GPC4: variants seen among roughly 807,000 people sequenced by gnomAD.
GPC4 encodes glypican 4.
Under a neutral mutation model 35.0 loss-of-function variants are expected in GPC4, and 10 were observed. The ratio of observed to expected loss-of-function variants is 0.29; its 90% confidence interval spans 0.18 to 0.48. The LOEUF (loss-of-function observed/expected upper bound fraction) is 0.48, where lower values mean the gene tolerates loss of function less well. GPC4 is among the 20% of genes least tolerant of loss of function. The pLI, the probability that GPC4 is intolerant of heterozygous loss-of-function variation, is 0.99. For synonymous variants in GPC4, 167 were observed against 170.2 expected, an observed-to-expected ratio of 0.98 and a Z score of 0.15; for missense variants, 322 against 451.3, an observed-to-expected ratio of 0.71 and a Z score of 2.60.
chrX:133,321,960 G>T (rs1273651606), intron 3 of GPC4, among the ~76,000 whole-genome samples: 2 of 111,758 alleles, frequency 1.8e-5, no homozygotes, highest in African/African-American at 6.5e-5. Context: ...ACAACATAAT[G>T]AATGCAATCA....
intron 1 of GPC4, among the ~76,000 whole-genome samples, chrX:133,398,565 T>G (rs769118987): frequency 4.5e-5 from 5 of 111,323 alleles, no homozygotes; most frequent in Middle Eastern, 4.7e-3. Context: ...GGTCAGGAGT[T>G]CAAGACCAGC....
chrX:133,388,791 C>T (rs770523631), intron 1 of GPC4, among the ~76,000 whole-genome samples: 11 of 109,467 alleles, frequency 1.0e-4, no homozygotes, highest in Middle Eastern at 4.7e-3. Flanking sequence ...CATGAGCCAC[C>T]GCGCCCAGCC....
intron 2 of GPC4, among the ~76,000 whole-genome samples, chrX:133,337,324 C>T (rs1265824411): frequency 1.8e-5 from 2 of 111,970 alleles, no homozygotes; most frequent in African/African-American, 6.5e-5. Context: ...AAGAAAACAA[C>T]AACAACAACA....
At chrX:133,409,156 G>GA (rs376780023) in intron 1 of GPC4, among the ~76,000 whole-genome samples, 69 of 88,130 alleles carry the variant, frequency 7.8e-4, no homozygotes, top group Middle Eastern at 6.1e-3. Flanking sequence ...CTTCATCTTG[G>GA]AAAAAAAAAA....
At chrX:133,402,392 T>C (rs2068770287) in intron 1 of GPC4, among the ~76,000 whole-genome samples, 1 of 112,141 alleles carries the variant, frequency 8.9e-6, no homozygotes, top group South Asian at 3.7e-4. Flanking sequence ...CCTGCTCTGG[T>C]AGGCAGAAGG....
chrX:133,375,120 T>G (rs1244256089), intron 1 of GPC4, among the ~76,000 whole-genome samples: 2 of 112,326 alleles, frequency 1.8e-5, no homozygotes, highest in Non-Finnish European at 3.8e-5. Flanking sequence ...TGACAAAGTA[T>G]CTCACAGGAT....
intron 1 of GPC4, among the ~76,000 whole-genome samples, chrX:133,393,132 G>GAGGGTT (rs1255867478): frequency 8.0e-5 from 9 of 112,239 alleles, no homozygotes; most frequent in African/African-American, 6.5e-5. Context: ...AGGGAGAATG[G>GAGGGTT]AGGGTTATTA....
At chrX:133,373,247 G>A (rs769650777) in intron 1 of GPC4, among the ~76,000 whole-genome samples, 2 of 111,136 alleles carry the variant, frequency 1.8e-5, no homozygotes, top group Admixed American at 1.9e-4. Context: ...GATAGGAATC[G>A]AACATACAAC....
chrX:133,343,458 G>T (rs1332550052), intron 1 of GPC4, among the ~76,000 whole-genome samples: 1 of 111,443 alleles, frequency 9.0e-6, no homozygotes. Flanking sequence ...GAAACTGAAG[G>T]GTTTTTTTAT....
intron 1 of GPC4, among the ~76,000 whole-genome samples, chrX:133,394,269 C>T (rs1569355605): frequency 9.5e-6 from 1 of 104,961 alleles, no homozygotes; most frequent in Admixed American, 1.0e-4. Context: ...GATTCTGTCT[C>T]AAAAAAAAAT....
chrX:133,344,869 G>A (rs1382722019), intron 1 of GPC4, among the ~76,000 whole-genome samples: 2 of 112,295 alleles, frequency 1.8e-5, no homozygotes, highest in African/African-American at 6.5e-5. Context: ...TACCAATAAA[G>A]CAACCAAATG....
chrX:133,323,352 C>T (rs1282656602), intron 3 of GPC4, among the ~76,000 whole-genome samples: 1 of 111,415 alleles, frequency 9.0e-6, no homozygotes, highest in Non-Finnish European at 1.9e-5. Flanking sequence ...TGCTGGCACA[C>T]GCCTGCAATC....
intron 1 of GPC4, among the ~76,000 whole-genome samples, chrX:133,388,959 T>A (rs2068706530): frequency 1.0e-5 from 1 of 97,154 alleles, no homozygotes; most frequent in African/African-American, 3.8e-5. Flanking sequence ...AGCCTTTTTT[T>A]TTTTTTTTTT....
intron 1 of GPC4, among the ~76,000 whole-genome samples, chrX:133,391,080 G>C (rs945425651): frequency 8.9e-6 from 1 of 112,132 alleles, no homozygotes; most frequent in Admixed American, 9.5e-5. Context: ...GTCAGTAAAA[G>C]GAATTAAAAG....
chrX:133,391,236 G>GCAA (rs1244004117), intron 1 of GPC4, among the ~76,000 whole-genome samples: 1 of 111,975 alleles, frequency 8.9e-6, no homozygotes, highest in Non-Finnish European at 1.9e-5. Flanking sequence ...AAAAGGCCAT[G>GCAA]CAACAAACAT....
intron 3 of GPC4, among the ~76,000 whole-genome samples, chrX:133,313,171 A>G (rs1478758271): frequency 9.0e-6 from 1 of 111,682 alleles, no homozygotes; most frequent in Non-Finnish European, 1.9e-5. Context: ...GTTACTTTGG[A>G]TATCACTTAT....
At chrX:133,394,599 T>C (rs1203288723) in intron 1 of GPC4, among the ~76,000 whole-genome samples, 6 of 111,456 alleles carry the variant, frequency 5.4e-5, no homozygotes, top group African/African-American at 1.6e-4. Flanking sequence ...GCTTCCCCAG[T>C]GTGCAACTTT....
At chrX:133,365,182 T>G (rs1346232779) in intron 1 of GPC4, among the ~76,000 whole-genome samples, 6 of 111,991 alleles carry the variant, frequency 5.4e-5, no homozygotes. Flanking sequence ...ATGTTTTATT[T>G]TATTGCAACT....
chrX:133,356,936 T>C (rs1569349556), intron 1 of GPC4, among the ~76,000 whole-genome samples: 1 of 111,443 alleles, frequency 9.0e-6, no homozygotes, highest in Non-Finnish European at 1.9e-5. Flanking sequence ...ATAGTATGTA[T>C]GTCAGAACAG....
Sources: gnomAD v4.1 joint callset for allele counts (sites outside exome capture counted in the v4.1 genomes callset) on GRCh38, gnomAD v4.1.1 for gene constraint, MANE v1.5 for transcripts, NCBI Gene and HGNC (gene_info 2026-07-23, HGNC 2026-07-21) for gene names.